Variants in NKAIN2 observed in about 807,000 individuals in gnomAD.
NKAIN2 encodes sodium/potassium transporting ATPase interacting 2.
NKAIN2 carries 14 observed loss-of-function variants against 32.6 expected under a neutral mutation model. That is an observed-to-expected ratio of 0.43 (90% CI 0.28 to 0.67). NKAIN2 has a LOEUF of 0.67. Among genes scored for constraint, NKAIN2 ranks in the 30% least tolerant of loss-of-function variants. The pLI is 0.17. For missense variants in NKAIN2, 198 were observed against 258.3 expected (o/e 0.77, Z 1.60); for synonymous variants, 80 against 87.2 (o/e 0.92, Z 0.46).
At chr6:124,770,251 A>T (rs1442643767) in intron 4 of NKAIN2, among the ~76,000 whole-genome samples, 1 of 152,046 alleles carries the variant, frequency 6.6e-6, no homozygotes, top group African/African-American at 2.4e-5. Context: ...CCTAGATGCA[A>T]CTCCAGCCCT....
chr6:124,136,045 A>G (rs1056933571), intron 1 of NKAIN2, among the ~76,000 whole-genome samples: 28 of 152,288 alleles, frequency 1.8e-4, no homozygotes, highest in African/African-American at 6.5e-4. Flanking sequence ...GCAGAAAAAA[A>G]TGAAATGGAA....
intron 3 of NKAIN2, among the ~76,000 whole-genome samples, chr6:124,404,364 C>T (rs897906539): frequency 2.6e-5 from 4 of 152,054 alleles, no homozygotes; most frequent in African/African-American, 9.7e-5. Context: ...TTCACTATGC[C>T]CTAGCCAAGA....
At chr6:124,468,531 A>G (rs1776850490) in intron 3 of NKAIN2, among the ~76,000 whole-genome samples, 1 of 152,120 alleles carries the variant, frequency 6.6e-6, no homozygotes, top group Non-Finnish European at 1.5e-5. Context: ...TTTAGTTCAG[A>G]TTGCATAAAA....
chr6:123,986,520 A>G lies in NKAIN2; in HGVS notation c.54+182266A>G, dbSNP rs191849811. 2.6e-5 allele frequency among the ~76,000 whole-genome samples: 4 copies of G among 152,184 alleles called. No homozygotes were observed. In the East Asian group the frequency reaches 5.8e-4, roughly 22 times the overall value. ...TACAGTGTAGTTAATAATCTTTGCA[A>G]TTCCTTCCAAAGGTATGAGCCGACT... On this transcript the variant is annotated intron_variant, in intron 1 of 6. Coordinates refer to ENST00000368417, the MANE Select transcript of NKAIN2 (RefSeq NM_001040214.3).
intron 3 of NKAIN2, among the ~76,000 whole-genome samples, chr6:124,389,215 G>A (rs1489116040): frequency 6.6e-6 from 1 of 151,998 alleles, no homozygotes; most frequent in Non-Finnish European, 1.5e-5. Flanking sequence ...AACATTATTG[G>A]AATGAGACTT....
intron 4 of NKAIN2, among the ~76,000 whole-genome samples, chr6:124,697,781 A>G (rs1274423760): frequency 6.6e-6 from 1 of 152,204 alleles, no homozygotes; most frequent in Non-Finnish European, 1.5e-5. Context: ...CAAAAGATGT[A>G]TGTACTAGAA....
chr6:124,272,766 T>G (rs1287043087), intron 1 of NKAIN2, among the ~76,000 whole-genome samples: 1 of 152,180 alleles, frequency 6.6e-6, no homozygotes, highest in Non-Finnish European at 1.5e-5. Context: ...AACTGTACCC[T>G]GTAGTGCACA....
At chr6:124,463,306 C>A (rs1776607460) in intron 3 of NKAIN2, among the ~76,000 whole-genome samples, 1 of 152,030 alleles carries the variant, frequency 6.6e-6, no homozygotes, top group South Asian at 2.1e-4. Flanking sequence ...TGTTTGCACT[C>A]TATTTCAACC....
intron 3 of NKAIN2, among the ~76,000 whole-genome samples, chr6:124,470,795 CAA>C (rs912938722): frequency 1.3e-4 from 19 of 151,842 alleles, no homozygotes; most frequent in African/African-American, 4.6e-4. Context: ...AGCAAAAAAA[CAA>C]GAACAGAAAC....
At chr6:124,212,454 G>A (rs1043649271) in intron 1 of NKAIN2, among the ~76,000 whole-genome samples, 4 of 152,062 alleles carry the variant, frequency 2.6e-5, no homozygotes, top group African/African-American at 9.7e-5. Flanking sequence ...TAGAGTGTTA[G>A]AGAGTTTACA....
At chr6:124,807,775 GAC>G (rs1780657477) in intron 5 of NKAIN2, among the ~76,000 whole-genome samples, 1 of 151,298 alleles carries the variant, frequency 6.6e-6, no homozygotes, top group African/African-American at 2.4e-5. Flanking sequence ...GAATCAAATA[GAC>G]ACAATAAAAA....
chr6:123,969,140 G>A (rs1203541920), intron 1 of NKAIN2, among the ~76,000 whole-genome samples: 1 of 152,136 alleles, frequency 6.6e-6, no homozygotes, highest in Admixed American at 6.5e-5. Flanking sequence ...ATAAGATGCG[G>A]CTTTCAAAAC....
At chr6:124,784,537 C>T (rs1427289602) in intron 4 of NKAIN2, among the ~76,000 whole-genome samples, 1 of 152,030 alleles carries the variant, frequency 6.6e-6, no homozygotes, top group Admixed American at 6.6e-5. Flanking sequence ...GAAATTCATG[C>T]AGGCTGTTGC....
chr6:124,350,127 A>G (rs944942505), intron 2 of NKAIN2, among the ~76,000 whole-genome samples: 1 of 152,194 alleles, frequency 6.6e-6, no homozygotes, highest in African/African-American at 2.4e-5. Flanking sequence ...GTGATACTTT[A>G]TTATATTAGG....
chr6:124,676,985 G>A (rs1175486560), intron 4 of NKAIN2, among the ~76,000 whole-genome samples: 4 of 151,964 alleles, frequency 2.6e-5, no homozygotes. Context: ...GTTTTGGGGT[G>A]GAGGACAGTG....
intron 1 of NKAIN2, among the ~76,000 whole-genome samples, chr6:124,223,996 T>C (rs1791972184): frequency 6.6e-6 from 1 of 152,154 alleles, no homozygotes; most frequent in Non-Finnish European, 1.5e-5. Flanking sequence ...ATTTGGATAT[T>C]AATCTACAAC....
rs115068709 is a variant in NKAIN2, at chr6:124,425,595, A to G, written c.273+70248A>G. Among the ~76,000 whole-genome samples the G allele has an allele frequency of 6.6e-3, 1,000 of 152,234 alleles. 7 individuals carry two copies. The highest frequency in any genetic ancestry group is 0.023 in the African/African-American group (966 of 41,556). On this transcript the variant is annotated intron_variant, in intron 3 of 6. Transcript: ENST00000368417. The stretch of plus-strand genomic sequence containing the variant: ...AATATATGAGGAATTTATACAACAC[A>G]GTAGCAAAAAAATAAATAATAGCCT...
intron 1 of NKAIN2, among the ~76,000 whole-genome samples, chr6:124,054,369 TA>T (rs1212642897): frequency 6.6e-6 from 1 of 152,044 alleles, no homozygotes; most frequent in Non-Finnish European, 1.5e-5. Context: ...TGCCTAAGGC[TA>T]TAACAGCAGA....
At chr6:124,158,127 A>G (rs990759553) in intron 1 of NKAIN2, among the ~76,000 whole-genome samples, 1 of 152,200 alleles carries the variant, frequency 6.6e-6, no homozygotes, top group Non-Finnish European at 1.5e-5. Flanking sequence ...TTATTTTCTC[A>G]CAGTTCAAAT....
Sources: gnomAD v4.1 joint callset for allele counts (sites outside exome capture counted in the v4.1 genomes callset) on GRCh38, gnomAD v4.1.1 for gene constraint, MANE v1.5 for transcripts, NCBI Gene and HGNC (gene_info 2026-07-23, HGNC 2026-07-21) for gene names.